Variants in CASP6 observed in about 807,000 individuals in gnomAD.
CASP6 encodes the protein caspase-6.
A neutral mutation model predicts 31.8 loss-of-function variants in CASP6; 20 were observed. The observed-to-expected ratio is 0.63, with a 90% confidence interval of 0.44 to 0.91. The LOEUF (loss-of-function observed/expected upper bound fraction) is 0.91, where lower values mean the gene tolerates loss of function less well. Among genes scored for constraint, CASP6 ranks in the 40% least tolerant of loss-of-function variants. CASP6 has a pLI of 0.00. For missense variants in CASP6, 328 were observed against 361.1 expected (o/e 0.91, Z 0.74); for synonymous variants, 130 against 127.8 (o/e 1.02, Z -0.12).
chr4:109,670,639 C>G, the CASP6 span, among the ~76,000 whole-genome samples: 1 of 151,846 alleles, frequency 6.6e-6, no homozygotes, highest in Non-Finnish European at 1.5e-5. Context: ...TCGCTTGAAC[C>G]CGGAAGGCGG....
the CASP6 span, among the ~76,000 whole-genome samples, chr4:109,673,296 C>T: frequency 6.6e-6 from 1 of 152,188 alleles, no homozygotes; most frequent in African/African-American, 2.4e-5. Context: ...CTCCATATGA[C>T]CTTCCCATCC....
chr4:109,674,217 A>G, the CASP6 span: 3 of 752,444 alleles, frequency 4.0e-6, no homozygotes, highest in Non-Finnish European at 7.3e-6. Context: ...ACTAATTTGT[A>G]TGGGTTTAGA....
At chr4:109,693,595 G>C (rs1276439066) in intron 5 of CASP6, among the ~76,000 whole-genome samples, 2 of 151,132 alleles carry the variant, frequency 1.3e-5, no homozygotes, top group African/African-American at 4.9e-5. Flanking sequence ...GCTGAAGTGG[G>C]AGAATAATTG....
upstream of CASP6, among the ~76,000 whole-genome samples, chr4:109,708,273 G>A (rs1730659615): frequency 6.6e-6 from 1 of 152,158 alleles, no homozygotes; most frequent in Non-Finnish European, 1.5e-5. Context: ...AACTTATCCT[G>A]CAACAAAGAC....
chr4:109,675,276 C>T, the CASP6 span, among the ~76,000 whole-genome samples: 1 of 152,302 alleles, frequency 6.6e-6, no homozygotes, highest in East Asian at 1.9e-4. Flanking sequence ...ACATTTCGTG[C>T]CACTTGACAA....
chr4:109,690,721 AAGTCTGTG>A (rs1417277929), intron 6 of CASP6, 121 bp downstream of exon 6: 16 of 894,292 alleles, frequency 1.8e-5, no homozygotes, highest in Non-Finnish European at 2.5e-5. Flanking sequence ...AAGAAATTCT[AAGTCTGTG>A]AGCTTCAGGA....
chr4:109,680,549 T>TTTTTTTTTTTTTTTTTGAG, the CASP6 span, among the ~76,000 whole-genome samples: 1 of 152,040 alleles, frequency 6.6e-6, no homozygotes, highest in African/African-American at 2.4e-5. Flanking sequence ...GTATATGTTT[T>TTTTTTTTTTTTTTTTTGAG]ATGTACCAAT....
intron 6 of CASP6, among the ~76,000 whole-genome samples, chr4:109,690,164 AAC>A (rs1191946636): frequency 6.7e-6 from 1 of 150,358 alleles, no homozygotes; most frequent in Non-Finnish European, 1.5e-5. Context: ...CCGCCTGGGC[AAC>A]AGAGTGAGAC....
downstream of CASP6, chr4:109,684,921 G>A (rs1401247024): frequency 5.2e-6 from 2 of 381,378 alleles, no homozygotes; most frequent in Non-Finnish European, 9.3e-6. Context: ...AAAAAAAACT[G>A]AATTTGCATT....
At chr4:109,703,542 G>C (rs947298108), upstream of CASP6, 2 of 1,002,706 alleles carry the variant, frequency 2.0e-6, no homozygotes, top group Non-Finnish European at 1.4e-6. Context: ...CGCGCCGCCC[G>C]GGCTCCCGTG....
chr4:109,703,265 G>T, intron 1 of CASP6, 91 bp downstream of exon 1: 1 of 1,459,832 alleles, frequency 6.9e-7, no homozygotes, highest in Non-Finnish European at 9.3e-7. Flanking sequence ...CCCCACTCCG[G>T]TCCGCGCGCC....
chr4:109,684,911 A>T (rs561603998), downstream of CASP6: 17 of 350,396 alleles, frequency 4.9e-5, no homozygotes, highest in South Asian at 2.4e-4. Flanking sequence ...CCTCATTTAT[A>T]AAAAAAACTG....
At chr4:109,705,571 G>T (rs935667740), upstream of CASP6, among the ~76,000 whole-genome samples, 9 of 152,092 alleles carry the variant, frequency 5.9e-5, no homozygotes, top group Non-Finnish European at 7.4e-5. Flanking sequence ...CTTCTGGAAA[G>T]GATTCATCAT....
chr4:109,685,334 G>A, downstream of CASP6: 1 of 1,575,512 alleles, frequency 6.3e-7, no homozygotes. Flanking sequence ...TTGATGTGCA[G>A]CAATACAACA....
Position 109,690,996 on chromosome 4 carries a change from T to C in CASP6, c.497A>G (p.Asn166Ser). 2 of 1,611,444 alleles carry C rather than the reference T, an allele frequency of 1.2e-6. No individual in the cohort carries two copies. Among genetic ancestry groups the C allele is most frequent in the South Asian group, 2.2e-5 (2 of 90,442 alleles). ...AGGAATGACTGGCACATCGTGCTGG[T>C]TTCCCCGACATGCCTACAAGACAAG... The part of the protein sequence containing the change: ...KIFIIQACRG[N>S]QHDVPVIPLD... Residue 166 changes from asparagine to serine, a missense_variant, in exon 6 of 7, where the codon AAC (asparagine) becomes AGC (serine). By Grantham distance (46) the Asn-to-Ser change is conservative (BLOSUM62 1). Coordinates refer to ENST00000265164, the MANE Select transcript of CASP6 (RefSeq NM_001226.4).
At chr4:109,706,162 T>TACAC (rs1428731416), upstream of CASP6, among the ~76,000 whole-genome samples, 5 of 87,716 alleles carry the variant, frequency 5.7e-5, no homozygotes, top group South Asian at 4.1e-4. Context: ...TATATATATA[T>TACAC]ATATATATAC....
chr4:109,695,333 A>T (rs934369457), intron 4 of CASP6, among the ~76,000 whole-genome samples: 25 of 152,204 alleles, frequency 1.6e-4, no homozygotes, highest in Non-Finnish European at 1.5e-5. Flanking sequence ...AATCTCACTT[A>T]AGATCCAAGT....
the CASP6 span, among the ~76,000 whole-genome samples, chr4:109,675,541 T>G: frequency 6.6e-6 from 1 of 152,222 alleles, no homozygotes; most frequent in Non-Finnish European, 1.5e-5. Context: ...CTGGAAAATT[T>G]ACTGTTTATT....
the CASP6 span, among the ~76,000 whole-genome samples, chr4:109,672,448 T>C: frequency 2.6e-5 from 4 of 152,216 alleles, no homozygotes; most frequent in Admixed American, 1.3e-4. Flanking sequence ...CCAATTACAG[T>C]TTAAGAATTC....
Sources: allele counts gnomAD v4.1 joint callset (sites outside exome capture counted in the v4.1 genomes callset), GRCh38; gene constraint gnomAD v4.1.1; transcripts MANE v1.5; gene names NCBI Gene and HGNC (gene_info 2026-07-23, HGNC 2026-07-21).